The following COL6A5 variants were observed in gnomAD, a reference collection of about 807,000 sequenced individuals.
COL6A5 encodes the protein collagen alpha-5(VI) chain.
In COL6A5, 48 loss-of-function variants were observed where a neutral mutation model predicts 65.6. The ratio of observed to expected loss-of-function variants is 0.73; its 90% CI spans 0.58 to 0.93. The LOEUF (loss-of-function observed/expected upper bound fraction) is 0.93. Among genes scored for constraint, COL6A5 ranks in the 40% least tolerant of loss-of-function variants. COL6A5 has a pLI of 0.00. For missense variants in COL6A5, 914 were observed against 928.3 expected (o/e 0.98, Z 0.20); for synonymous variants, 291 against 322.8 (o/e 0.90, Z 1.05).
intron 27 of COL6A5, 104 bp from the exon 28 acceptor site, chr3:130,422,616 A>G (rs1937537278): frequency 4.2e-6 from 3 of 710,924 alleles, no homozygotes; most frequent in Non-Finnish European, 7.2e-6. Flanking sequence ...TCATTAATGT[A>G]TGATTGTCAT....
intron 4 of COL6A5, among the ~76,000 whole-genome samples, chr3:130,454,124 G>A (rs368442977): frequency 3.3e-5 from 5 of 152,266 alleles, no homozygotes; most frequent in African/African-American, 1.2e-4. Flanking sequence ...TTATGCAGCT[G>A]TTAAACCACA....
At chr3:130,455,923 C>T (rs1423385001) in intron 5 of COL6A5, among the ~76,000 whole-genome samples, 1 of 152,018 alleles carries the variant, frequency 6.6e-6, no homozygotes, top group Non-Finnish European at 1.5e-5. Flanking sequence ...CTAGCATCCA[C>T]AGTTTAGAAG....
At chr3:130,441,513 C>T (rs1415438308) in intron 3 of COL6A5, among the ~76,000 whole-genome samples, 2 of 152,142 alleles carry the variant, frequency 1.3e-5, no homozygotes, top group African/African-American at 4.8e-5. Context: ...ATTGCTGCAG[C>T]GTACAGTTGC....
Position 130,380,054 on chromosome 3 carries a change from T to G in COL6A5, c.1300+4T>G. ...CAAAGGAATCTTGATAAAACTGGTA[T>G]GTTTTTTAAAATACTTTTCTAATTA... is the stretch of plus-strand genomic sequence containing the variant. On this transcript the variant is annotated splice_donor_region_variant and intron_variant and NMD_transcript_variant, in intron 4 of 41. Transcript: ENST00000312481. 1 of 1,492,942 alleles carries G rather than the reference T, an allele frequency of 6.7e-7. No individual in the cohort carries two copies. The highest frequency in any genetic ancestry group is 8.9e-7 in the Non-Finnish European group (1 of 1,118,290). The allele number at this position is 1,492,942 out of a possible 1,614,324, so 92.5% of individuals were successfully genotyped here.
chr3:130,365,720 T>G (rs1397822149), intron 1 of COL6A5, among the ~76,000 whole-genome samples: 1 of 152,186 alleles, frequency 6.6e-6, no homozygotes, highest in Non-Finnish European at 1.5e-5. Flanking sequence ...GTAGAGAGCT[T>G]GCTTACACCA....
At chr3:130,440,333 C>T (rs765833252) in exon 3 of COL6A5, 1 of 1,613,370 alleles carries the variant, frequency 6.2e-7, no homozygotes. Context: ...TGCTTCAGAC[C>T]CTTTAATCTC....
In COL6A5 at chr3:130,345,995, G is replaced by A. The variant is rs1033640030; in HGVS notation, c.-29+14G>A. 2.5e-6 allele frequency: 1 copy of A among 398,808 alleles called. No homozygotes were observed. Among genetic ancestry groups the A allele is most frequent in the Non-Finnish European group, 4.4e-6 (1 of 226,210 alleles). The allele number at this position is 398,808 out of a possible 1,614,324, so 24.7% of individuals were successfully genotyped here. A position where few individuals can be genotyped will look rare whatever the true frequency, so the allele number is the denominator to read the frequency against. On this transcript the variant is annotated intron_variant and NMD_transcript_variant, in intron 1 of 41. Transcript: ENST00000312481. ...CGGGAAAGCTGGGTAAGTATGCGGTGCGGGGACTTGGGGCCTGAGGCAGGC... is the reference window on the plus strand; with the variant it reads ...CGGGAAAGCTGGGTAAGTATGCGGTACGGGGACTTGGGGCCTGAGGCAGGC...
chr3:130,377,231 A>G (rs1935819726), intron 3 of COL6A5, among the ~76,000 whole-genome samples: 1 of 152,142 alleles, frequency 6.6e-6, no homozygotes, highest in African/African-American at 2.4e-5. Flanking sequence ...GAAGCAAGAA[A>G]CAGGTAGCAC....
chr3:130,469,633 C>G (rs576290752), intron 6 of COL6A5, among the ~76,000 whole-genome samples, 152 bp downstream of exon 38: 1 of 151,964 alleles, frequency 6.6e-6, no homozygotes, highest in African/African-American at 2.4e-5. Context: ...AGAGAAAATT[C>G]CCAGATTTTT....
chr3:130,466,409 T>C (rs1056085948), intron 5 of COL6A5, among the ~76,000 whole-genome samples: 3 of 151,974 alleles, frequency 2.0e-5, no homozygotes, highest in Non-Finnish European at 4.4e-5. Flanking sequence ...TTAGAAAGTA[T>C]AATATTTTGA....
intron 6 of COL6A5, among the ~76,000 whole-genome samples, chr3:130,470,187 C>T (rs1709913556): frequency 6.6e-6 from 1 of 151,998 alleles, no homozygotes; most frequent in South Asian, 2.1e-4. Context: ...GGGTGGCTGC[C>T]CCAGCCTCTG....
chr3:130,467,709 T>C (rs1171723474), intron 5 of COL6A5, among the ~76,000 whole-genome samples: 2 of 152,100 alleles, frequency 1.3e-5, no homozygotes, highest in African/African-American at 4.8e-5. Flanking sequence ...TGGGGTATTT[T>C]TCTGGCATTT....
chr3:130,447,213 T>A (rs1443392573), intron 4 of COL6A5, among the ~76,000 whole-genome samples: 1 of 152,166 alleles, frequency 6.6e-6, no homozygotes. Context: ...TGCCTTCCCC[T>A]GTTTGGCAAG....
At chr3:130,413,777 A>T (rs1240063266) in intron 21 of COL6A5, among the ~76,000 whole-genome samples, 197 bp downstream of exon 21, 1 of 151,586 alleles carries the variant, frequency 6.6e-6, no homozygotes, top group African/African-American at 2.4e-5. Flanking sequence ...AGCCTCCCTG[A>T]TAGATACCTG....
chr3:130,384,901 G>T, exon 5 of COL6A5: 1 of 1,550,906 alleles, frequency 6.4e-7, no homozygotes, highest in African/African-American at 1.4e-5. Flanking sequence ...GATTTATGTT[G>T]GAAGTGACAG....
At chr3:130,407,973 T>A (rs563158591) in intron 17 of COL6A5, among the ~76,000 whole-genome samples, 1 of 152,308 alleles carries the variant, frequency 6.6e-6, no homozygotes, top group South Asian at 2.1e-4. Flanking sequence ...CTTAATCCCA[T>A]CATCTTTGTA....
chr3:130,391,313 G>C, exon 7 of COL6A5: 1 of 1,551,708 alleles, frequency 6.4e-7, no homozygotes, highest in Non-Finnish European at 8.7e-7. Context: ...CAGGGACCGA[G>C]TTCAGTTTGG....
chr3:130,476,786 C>A (rs1031194016), intron 7 of COL6A5: 1 of 571,888 alleles, frequency 1.7e-6, no homozygotes, highest in African/African-American at 1.9e-5. Context: ...TGTTATTATT[C>A]TTCATTATTT....
intron 7 of COL6A5, among the ~76,000 whole-genome samples, chr3:130,475,007 C>CAAAAAAAAAAAA (rs57263258): frequency 1.5e-5 from 1 of 65,054 alleles, no homozygotes; most frequent in Non-Finnish European, 2.6e-5. Context: ...ACCATGTCTC[C>CAAAAAAAAAAAA]AAAAAAAAAA....
Sources: allele counts gnomAD v4.1 joint callset (sites outside exome capture counted in the v4.1 genomes callset), GRCh38; gene constraint gnomAD v4.1.1; transcripts MANE v1.5; gene names NCBI Gene and HGNC (gene_info 2026-07-23, HGNC 2026-07-21).